Variants in TMEM178B observed in about 807,000 individuals in gnomAD.
TMEM178B encodes the protein transmembrane protein 178B.
In TMEM178B, 5 loss-of-function variants were observed where a neutral mutation model predicts 31.0. That is an observed-to-expected ratio of 0.16 (90% confidence interval 0.08 to 0.34). TMEM178B has a LOEUF of 0.34. TMEM178B is among the 10% of genes least tolerant of loss of function. The probability of loss-of-function intolerance (pLI) is 1.00; values close to 1 mark genes in which losing one functional copy is unlikely to be tolerated. For missense variants in TMEM178B, 275 were observed against 400.3 expected (o/e 0.69, Z 2.67); for synonymous variants, 164 against 164.0 (o/e 1.00, Z 0.00).
At chr7:141,287,534 T>C (rs903156182) in intron 2 of TMEM178B, among the ~76,000 whole-genome samples, 1 of 152,182 alleles carries the variant, frequency 6.6e-6, no homozygotes, top group African/African-American at 2.4e-5. Flanking sequence ...CCCAGTGGCT[T>C]TCAGTAATCA....
At chr7:141,383,985 T>G (rs1203244332) in intron 2 of TMEM178B, among the ~76,000 whole-genome samples, 1 of 152,248 alleles carries the variant, frequency 6.6e-6, no homozygotes, top group Non-Finnish European at 1.5e-5. Flanking sequence ...TGAACATTTC[T>G]TCATGTGTCT....
At chr7:141,145,701 G>C (rs10251875) in intron 1 of TMEM178B, among the ~76,000 whole-genome samples, 8,092 of 152,266 alleles carry the variant, frequency 0.053, 739 homozygotes, top group African/African-American at 0.19. Flanking sequence ...TGATTCCGTA[G>C]ATCTGAAGTA....
chr7:141,432,669 C>A (rs994044414), intron 2 of TMEM178B, among the ~76,000 whole-genome samples: 2 of 152,152 alleles, frequency 1.3e-5, no homozygotes, highest in Non-Finnish European at 2.9e-5. Flanking sequence ...GAGGCAATAT[C>A]TTTCTTCTCT....
chr7:141,244,137 C>T (rs1025631530), intron 2 of TMEM178B, among the ~76,000 whole-genome samples: 35 of 152,174 alleles, frequency 2.3e-4, no homozygotes, highest in African/African-American at 8.2e-4. Flanking sequence ...ATAAGCATTG[C>T]ATAAAGCTCA....
intron 2 of TMEM178B, among the ~76,000 whole-genome samples, chr7:141,361,305 C>T (rs1799914954): frequency 6.6e-6 from 1 of 151,998 alleles, no homozygotes. Flanking sequence ...AGGAAGTAGA[C>T]AAGCAACCCA....
At chr7:141,374,611 C>T (rs368451426) in intron 2 of TMEM178B, among the ~76,000 whole-genome samples, 1 of 152,198 alleles carries the variant, frequency 6.6e-6, no homozygotes, top group African/African-American at 2.4e-5. Context: ...GAGTCTCTTC[C>T]ATCTGCGAAA....
At chr7:141,146,430 T>C (rs6966880) in intron 1 of TMEM178B, among the ~76,000 whole-genome samples, 9,372 of 152,280 alleles carry the variant, frequency 0.062, 953 homozygotes, top group African/African-American at 0.21. Context: ...TGGACTCTGA[T>C]AGCCTGGGTA....
At chr7:141,483,640 G>A (rs1414231432), downstream of TMEM178B, among the ~76,000 whole-genome samples, 2 of 152,110 alleles carry the variant, frequency 1.3e-5, no homozygotes, top group Admixed American at 6.5e-5. Flanking sequence ...AGAGTGCCTC[G>A]CCCAGAATCG....
At position 141,406,387 on chromosome 7, in the gene TMEM178B, C is replaced by T. The variant is rs11773325; in HGVS notation, c.497-31221C>T. Among the ~76,000 whole-genome samples the T allele has an allele frequency of 2.3e-3, 345 of 152,278 alleles. 1 individual carries two copies. The highest frequency in any genetic ancestry group is 3.7e-3 in the South Asian group (18 of 4,820). ...CCCTGTACTTAACCAAACCCCTAAT[C>T]CTCTCTCCCAGATTATGATAGAGTT... On this transcript the variant is annotated intron_variant, in intron 2 of 3. Coordinates refer to ENST00000565468, the MANE Select transcript of TMEM178B (RefSeq NM_001195278.2).
At chr7:141,158,148 T>G (rs1563103016) in intron 1 of TMEM178B, among the ~76,000 whole-genome samples, 1 of 152,264 alleles carries the variant, frequency 6.6e-6, no homozygotes, top group East Asian at 1.9e-4. Context: ...CAGGCTGGAG[T>G]GCAGTGGCGC....
chr7:141,112,089 A>G (rs995348869), intron 1 of TMEM178B, among the ~76,000 whole-genome samples: 1 of 152,280 alleles, frequency 6.6e-6, no homozygotes, highest in African/African-American at 2.4e-5. Flanking sequence ...ATGTATGTGT[A>G]TATTAGCCTG....
intron 1 of TMEM178B, among the ~76,000 whole-genome samples, chr7:141,188,102 C>T (rs1415391984): frequency 6.6e-6 from 1 of 152,094 alleles, no homozygotes; most frequent in East Asian, 1.9e-4. Flanking sequence ...TTTAATCCAT[C>T]TTGAATTAAT....
intron 2 of TMEM178B, among the ~76,000 whole-genome samples, chr7:141,245,576 C>T (rs1433492214): frequency 6.6e-6 from 1 of 152,206 alleles, no homozygotes; most frequent in Non-Finnish European, 1.5e-5. Context: ...GAACTGTTTT[C>T]CTTCTCTTCT....
chr7:141,260,514 A>G (rs933815909), intron 2 of TMEM178B, among the ~76,000 whole-genome samples: 1 of 152,020 alleles, frequency 6.6e-6, no homozygotes, highest in African/African-American at 2.4e-5. Context: ...CCATCCTTGT[A>G]TTTTGGTCAT....
chr7:141,428,621 C>T (rs1801366038), intron 2 of TMEM178B, among the ~76,000 whole-genome samples: 1 of 152,120 alleles, frequency 6.6e-6, no homozygotes, highest in South Asian at 2.1e-4. Context: ...CCTCCCAAGT[C>T]CTGGCAGGCC....
intron 2 of TMEM178B, among the ~76,000 whole-genome samples, chr7:141,274,196 A>G (rs1285744320): frequency 3.3e-5 from 5 of 152,210 alleles, no homozygotes; most frequent in African/African-American, 1.2e-4. Context: ...ACCTGACATT[A>G]TAAATGGCTT....
At chr7:141,441,788 G>A (rs902239651) in intron 3 of TMEM178B, among the ~76,000 whole-genome samples, 1 of 152,182 alleles carries the variant, frequency 6.6e-6, no homozygotes. Context: ...GATGGCCTGC[G>A]CTGGGCACTT....
At chr7:141,201,287 A>G (rs1796873322) in intron 1 of TMEM178B, among the ~76,000 whole-genome samples, 1 of 152,154 alleles carries the variant, frequency 6.6e-6, no homozygotes, top group African/African-American at 2.4e-5. Context: ...CACAGGTCTG[A>G]CTGGGCACAG....
chr7:141,328,083 C>T (rs1167880806), intron 2 of TMEM178B, among the ~76,000 whole-genome samples: 1 of 152,190 alleles, frequency 6.6e-6, no homozygotes, highest in African/African-American at 2.4e-5. Flanking sequence ...AAGTGCATCA[C>T]AAGATCTTCA....
Sources: allele counts gnomAD v4.1 joint callset (sites outside exome capture counted in the v4.1 genomes callset), GRCh38; gene constraint gnomAD v4.1.1; transcripts MANE v1.5; gene names NCBI Gene and HGNC (gene_info 2026-07-23, HGNC 2026-07-21).